The following HTR2C variants were observed in gnomAD, a reference collection of about 807,000 sequenced individuals.
The protein encoded by HTR2C is 5-hydroxytryptamine (serotonin) receptor 2C, G protein-coupled.
A neutral mutation model predicts 21.0 loss-of-function variants in HTR2C; 5 were observed. That is an observed-to-expected ratio of 0.24 (90% CI 0.12 to 0.50). HTR2C has a LOEUF of 0.50. Among genes scored for constraint, HTR2C ranks in the 20% least tolerant of loss-of-function variants. HTR2C has a pLI of 0.98. For synonymous variants in HTR2C, 150 were observed against 145.3 expected, an observed-to-expected ratio of 1.03 and a Z score of -0.23; for missense variants, 271 against 371.2, an observed-to-expected ratio of 0.73 and a Z score of 2.22.
At chrX:114,839,132 T>C (rs782659601) in intron 4 of HTR2C, among the ~76,000 whole-genome samples, 9 of 112,307 alleles carry the variant, frequency 8.0e-5, no homozygotes, top group Non-Finnish European at 1.5e-4. Context: ...TTCTAATAAT[T>C]GGTAGTTTGA....
At chrX:114,629,414 C>T (rs1929518269) in intron 2 of HTR2C, among the ~76,000 whole-genome samples, 1 of 111,787 alleles carries the variant, frequency 8.9e-6, no homozygotes, top group Admixed American at 9.6e-5. Context: ...GTATTTGATT[C>T]CATTCTACTT....
chrX:114,839,590 G>A (rs2070816339), intron 4 of HTR2C, among the ~76,000 whole-genome samples: 1 of 111,093 alleles, frequency 9.0e-6, no homozygotes, highest in Non-Finnish European at 1.9e-5. Flanking sequence ...AGGAGGCTGA[G>A]ATAAGACGAT....
At chrX:114,782,799 A>G in intron 4 of HTR2C, among the ~76,000 whole-genome samples, 1 of 112,027 alleles carries the variant, frequency 8.9e-6, no homozygotes, top group East Asian at 2.8e-4. Context: ...AACATAATTC[A>G]AAGTTGAATT....
intron 2 of HTR2C, among the ~76,000 whole-genome samples, chrX:114,662,744 C>A (rs1931035441): frequency 9.0e-6 from 1 of 111,632 alleles, no homozygotes; most frequent in Non-Finnish European, 1.9e-5. Flanking sequence ...GCTTCTTATT[C>A]ATTTTGAAAT....
intron 2 of HTR2C, among the ~76,000 whole-genome samples, chrX:114,702,688 G>A (rs1315716413): frequency 7.3e-5 from 8 of 109,876 alleles, no homozygotes; most frequent in South Asian, 4.0e-4. Context: ...TCATAATGAT[G>A]GGATCAAATT....
At chrX:114,590,999 T>C (rs1016527597) in intron 1 of HTR2C, among the ~76,000 whole-genome samples, 10 of 112,361 alleles carry the variant, frequency 8.9e-5, no homozygotes, top group African/African-American at 3.2e-4. Context: ...AAATAAGAGC[T>C]TTATTTCCTT....
In HTR2C at chrX:114,616,133, G is replaced by C. The variant is rs189085118; in HGVS notation, c.-80+2252G>C. On this transcript the variant is annotated intron_variant, in intron 2 of 5. Transcript: ENST00000276198. ...TGATTATTTATGGTAAATAATGTTG[G>C]TGTTGTTAAATATATTAATTCTTAC... Among the ~76,000 whole-genome samples the C allele has an allele frequency of 2.7e-5, 3 of 110,941 alleles. No homozygotes were observed. The East Asian group carries it at 8.5e-4, about 31-fold the overall frequency.
rs200288758 is a variant in HTR2C, at chrX:114,726,990, A to G, written c.35+19A>G. 49 of 1,004,288 alleles carry G rather than the reference A, an allele frequency of 4.9e-5. No homozygotes were observed. The highest frequency in any genetic ancestry group is 6.2e-5 in the Non-Finnish European group (46 of 747,797). 82.8% of individuals were successfully genotyped at this position (1,004,288 alleles called of 1,213,427 possible). On this transcript the variant is annotated intron_variant, in intron 3 of 5. Coordinates refer to ENST00000276198, the MANE Select transcript of HTR2C (RefSeq NM_000868.4). The stretch of plus-strand genomic sequence containing the variant: ...CATTCCTGTAAGGATGTTACTACTT[A>G]TTATTTTAGTAAAAAGATAACTTTG...
At chrX:114,799,842 A>G (rs1445092359) in intron 4 of HTR2C, among the ~76,000 whole-genome samples, 2 of 111,405 alleles carry the variant, frequency 1.8e-5, no homozygotes, top group African/African-American at 3.2e-5. Flanking sequence ...GTTTATATAT[A>G]TGTACATATT....
chrX:114,841,767 A>G (rs1473482487), intron 4 of HTR2C, among the ~76,000 whole-genome samples: 1 of 111,301 alleles, frequency 9.0e-6, no homozygotes, highest in African/African-American at 3.3e-5. Flanking sequence ...TTTACTTGAA[A>G]TGTTCTGCTA....
At chrX:114,681,500 A>G (rs1931745755) in intron 2 of HTR2C, among the ~76,000 whole-genome samples, 1 of 111,077 alleles carries the variant, frequency 9.0e-6, no homozygotes. Flanking sequence ...TGGCAGAGCA[A>G]GTTTTAGCAA....
intron 1 of HTR2C, among the ~76,000 whole-genome samples, chrX:114,594,244 TA>T (rs782625241): frequency 9.9e-5 from 11 of 111,422 alleles, no homozygotes; most frequent in African/African-American, 3.6e-4. Context: ...ATCTAATATA[TA>T]AAAAAATGAA....
At chrX:114,811,509 T>G (rs1289826553) in intron 4 of HTR2C, among the ~76,000 whole-genome samples, 1 of 112,616 alleles carries the variant, frequency 8.9e-6, no homozygotes, top group Non-Finnish European at 1.9e-5. Context: ...ATATTCCCTC[T>G]GTTACCTTTA....
intron 2 of HTR2C, among the ~76,000 whole-genome samples, chrX:114,629,062 AT>A (rs1556403617): frequency 4.5e-5 from 5 of 112,066 alleles, no homozygotes; most frequent in Non-Finnish European, 9.4e-5. Flanking sequence ...ATCTTTTTAT[AT>A]TTATATCTGT....
chrX:114,621,645 A>C (rs1261483313), intron 2 of HTR2C, among the ~76,000 whole-genome samples: 1 of 111,277 alleles, frequency 9.0e-6, no homozygotes, highest in Admixed American at 9.7e-5. Context: ...AAAGGATTAC[A>C]GTTGAGCTAG....
intron 4 of HTR2C, among the ~76,000 whole-genome samples, chrX:114,838,026 A>C (rs2070802648): frequency 9.0e-6 from 1 of 111,023 alleles, no homozygotes; most frequent in Non-Finnish European, 1.9e-5. Flanking sequence ...AAAGACCAAA[A>C]ATTTCTTCAC....
intron 4 of HTR2C, among the ~76,000 whole-genome samples, chrX:114,840,169 C>T (rs1199223412): frequency 9.1e-6 from 1 of 109,529 alleles, no homozygotes; most frequent in Non-Finnish European, 1.9e-5. Flanking sequence ...CACATATATA[C>T]ACACACACAA....
At chrX:114,848,785 T>A (rs781881828) in intron 5 of HTR2C, among the ~76,000 whole-genome samples, 2 of 111,510 alleles carry the variant, frequency 1.8e-5, no homozygotes, top group Middle Eastern at 5.5e-3. Flanking sequence ...AAAATTTGTT[T>A]CTTTAAAGAT....
intron 2 of HTR2C, among the ~76,000 whole-genome samples, chrX:114,705,408 T>A (rs1280866242): frequency 9.2e-6 from 1 of 109,035 alleles, no homozygotes; most frequent in Admixed American, 9.9e-5. Flanking sequence ...ACGCCTCATA[T>A]CTACAACTAT....
Sources: gnomAD v4.1 joint callset for allele counts (sites outside exome capture counted in the v4.1 genomes callset) on GRCh38, gnomAD v4.1.1 for gene constraint, MANE v1.5 for transcripts, NCBI Gene and HGNC (gene_info 2026-07-23, HGNC 2026-07-21) for gene names.